Variants in MXRA8 observed in about 807,000 individuals in gnomAD.
MXRA8 encodes matrix remodeling-associated protein 8.
A neutral mutation model predicts 51.4 loss-of-function variants in MXRA8; 44 were observed. That is an observed-to-expected ratio of 0.86 (90% confidence interval 0.67 to 1.10). The LOEUF is 1.10. MXRA8 is among the 50% of genes least tolerant of loss of function. The pLI, the probability that MXRA8 is intolerant of heterozygous loss-of-function variation, is 0.00. For missense variants in MXRA8, 765 were observed against 638.9 expected (o/e 1.20, Z -2.13); for synonymous variants, 369 against 293.5 (o/e 1.26, Z -2.63).
At chr1:1,361,357 A>G (rs1469563294), upstream of MXRA8, 3 of 701,688 alleles carry the variant, frequency 4.3e-6, no homozygotes, top group Admixed American at 4.0e-5. Context: ...ACTCAGCACT[A>G]AGCCGGGTGC....
upstream of MXRA8, among the ~76,000 whole-genome samples, chr1:1,359,919 A>G (rs758998397): frequency 2.6e-5 from 4 of 151,970 alleles, no homozygotes; most frequent in African/African-American, 4.8e-5. Flanking sequence ...ACTGGTTTGT[A>G]TTAGTGCTGG....
chr1:1,361,658 C>T (rs1275520096), upstream of MXRA8: 12 of 293,146 alleles, frequency 4.1e-5, no homozygotes, highest in Admixed American at 4.6e-5. Context: ...AAACCGTATT[C>T]GCCGCCGCCG....
chr1:1,355,660 T>C lies in MXRA8; in HGVS notation c.166A>G (p.Ser56Gly), dbSNP rs1557683811. 1 of 1,420,210 alleles carries C rather than the reference T, an allele frequency of 7.0e-7. No homozygotes were observed. The highest frequency in any genetic ancestry group is 9.2e-7 in the Non-Finnish European group (1 of 1,090,898). The allele number at this position is 1,420,210 out of a possible 1,614,324, so 88.0% of individuals were successfully genotyped here. A position where few individuals can be genotyped will look rare whatever the true frequency, so the allele number is the denominator to read the frequency against. The change falls in exon 3 of 10, where the codon AGC (serine) becomes GGC (glycine). Residue 56 changes from serine (S) to glycine (G), a missense_variant. Ser to Gly is a moderately conservative substitution (Grantham distance 56, BLOSUM62 0). Coordinates refer to ENST00000309212, the MANE Select transcript of MXRA8 (RefSeq NM_032348.4). ...TCCTGGGTCCACACCATGCGCGGGC[T>C]CTGGCAGCGCAGCACCGCCCGGGCG... The part of the protein sequence containing the change: ...AGARAVLRCQ[S>G]PRMVWTQDRL...
At chr1:1,358,770 G>A, upstream of MXRA8, 2 of 1,246,768 alleles carry the variant, frequency 1.6e-6, no homozygotes, top group Non-Finnish European at 2.0e-6. Context: ...CGCACCCTTG[G>A]AGGGACAAGA....
chr1:1,361,535 A>G, upstream of MXRA8: 2 of 530,860 alleles, frequency 3.8e-6, no homozygotes, highest in South Asian at 4.1e-5. Flanking sequence ...CGCGGCTTCC[A>G]GGCGCAGCCA....
At chr1:1,358,309 C>T in intron 1 of MXRA8, 147 bp downstream of exon 1, 1 of 848,394 alleles carries the variant, frequency 1.2e-6, no homozygotes, top group Non-Finnish European at 1.7e-6. Context: ...GCAAGCGGCT[C>T]TCCCGAGCGC....
Position 1,353,915 on chromosome 1 carries a change from G to A in MXRA8, c.1236C>T (p.Asn412=). ...SEDIQLDYKN[N]ILKERAELAH... Reference sequence around the variant, plus strand: ...CCAGCTCCGCCCTCTCCTTCAGGATGTTGTTTTTGTAATCTGTGGGAGGAG... The same window carrying A: ...CCAGCTCCGCCCTCTCCTTCAGGATATTGTTTTTGTAATCTGTGGGAGGAG... Residue 412 remains asparagine, a synonymous_variant, in exon 9 of 10, where the codon AAC becomes AAT. Transcript: ENST00000309212. 1.2e-6 allele frequency: 2 copies of A among 1,609,876 alleles called. No individual in the cohort carries two copies. The highest frequency in any genetic ancestry group is 1.7e-6 in the Non-Finnish European group (2 of 1,178,324).
chr1:1,354,927 C>A lies in MXRA8; in HGVS notation c.704G>T (p.Gly235Val). The part of the protein sequence containing the change: ...LYASGERRAY[G>V]PLFLRDRVAV... ...CACGCGGTCGCGCAGAAAAAGGGGC[C>A]CGTAGGCGCGGCGCTCGCCCGACGC... The change falls in exon 5 of 10, where the codon GGG becomes GTG. Residue 235 changes from glycine to valine, a missense_variant. Coordinates refer to ENST00000309212, the MANE Select transcript of MXRA8 (RefSeq NM_032348.4). The A allele has an allele frequency of 6.2e-7, 1 of 1,606,358 alleles. No homozygotes were observed. Among genetic ancestry groups the A allele is most frequent in the Non-Finnish European group, 8.5e-7 (1 of 1,177,196 alleles).
chr1:1,357,225 T>G (rs1206614749), intron 1 of MXRA8, among the ~76,000 whole-genome samples: 2 of 152,176 alleles, frequency 1.3e-5, no homozygotes, highest in Non-Finnish European at 2.9e-5. Context: ...CCCGCGTTGC[T>G]GCTTGAGGGA....
At chr1:1,355,412 TGCCCCGACCCCGCG>T (rs1169496114) in intron 3 of MXRA8, 24 bp downstream of exon 3, 7 of 1,492,162 alleles carry the variant, frequency 4.7e-6, no homozygotes, top group African/African-American at 1.5e-5. Flanking sequence ...CCCGGACCCC[TGCCCCGACCCCGCG>T]GCCCCGGTCC....
chr1:1,355,414 C>G (rs778691532), intron 3 of MXRA8, 36 bp downstream of exon 3: 12 of 1,491,608 alleles, frequency 8.0e-6, no homozygotes, highest in African/African-American at 1.5e-5. Flanking sequence ...CGGACCCCTG[C>G]CCCGACCCCG....
upstream of MXRA8, chr1:1,361,459 G>A: frequency 1.6e-6 from 1 of 610,496 alleles, no homozygotes; most frequent in Non-Finnish European, 3.0e-6. Context: ...CAGGCTGGAG[G>A]GGCGAGGACG....
upstream of MXRA8, chr1:1,359,605 G>A (rs1166482955): frequency 1.0e-6 from 1 of 982,348 alleles, no homozygotes; most frequent in African/African-American, 1.7e-5. Flanking sequence ...CTCAGACAGT[G>A]GGAAGCCCAG....
chr1:1,353,582 C>A lies in MXRA8; in HGVS notation c.*22G>T, dbSNP rs1557680085. On this transcript the variant is annotated 3_prime_UTR_variant, in exon 10 of 10. Transcript: ENST00000309212. ...GACAGGAGAGGTGCAGCTGCTGGCCCAGCCAGGAGCCCAGGGCCTCCCTAT... is the reference window on the plus strand; with the variant it reads ...GACAGGAGAGGTGCAGCTGCTGGCCAAGCCAGGAGCCCAGGGCCTCCCTAT... 5 of 1,558,412 alleles carry A rather than the reference C, an allele frequency of 3.2e-6. No homozygotes were observed. The South Asian group carries it at 5.9e-5, about 18-fold the overall frequency.
At chr1:1,356,559 G>T in intron 2 of MXRA8, 122 bp downstream of exon 2, 1 of 595,802 alleles carries the variant, frequency 1.7e-6, no homozygotes, top group Non-Finnish European at 2.5e-6. Context: ...CAAGGGTCCT[G>T]ATGAGCAAGG....
At chr1:1,357,989 C>T (rs778690186) in intron 1 of MXRA8, among the ~76,000 whole-genome samples, 1 of 152,290 alleles carries the variant, frequency 6.6e-6, no homozygotes, top group Middle Eastern at 3.4e-3. Flanking sequence ...GGCTGCTCTC[C>T]CTCACATAGA....
chr1:1,355,233 G>GGGGGGGGGGT lies in MXRA8; in HGVS notation c.478+10_478+11insACCCCCCCCC. On this transcript the variant is annotated intron_variant, in intron 4 of 9. Transcript: ENST00000309212. ...GGGGCGGGAGCTGGGGGGCGGGGGGGAAGCACTCACGGCCGTCGGTGACCT... is the reference window on the plus strand; with the variant it reads ...GGGGCGGGAGCTGGGGGGCGGGGGGGGGGGGGGGGTAAGCACTCACGGCCGTCGGTGACCT... The GGGGGGGGGGT allele has an allele frequency of 1.3e-6, 2 of 1,539,524 alleles. No homozygotes were observed. The highest frequency in any genetic ancestry group is 1.7e-6 in the Non-Finnish European group (2 of 1,147,656).
rs1249286803 is a variant in MXRA8 at position 1,354,497 on chromosome 1, G to A, written c.962C>T (p.Ala321Val). ...SGAPGPDPTL[A>V]RGHNVINVIV... ...GACATTGATGACGTTGTGGCCGCGC[G>A]CCAGTGTGGGGTCTGCGGGGAACGC... Residue 321 changes from alanine to valine, a missense_variant, in exon 6 of 10, where the codon GCG (alanine) becomes GTG (valine). By Grantham distance (64) the Ala-to-Val change is moderately conservative. Transcript: ENST00000309212. 6.2e-7 allele frequency: 1 copy of A among 1,612,144 alleles called. No individual in the cohort carries two copies. The highest frequency in any genetic ancestry group is 8.5e-7 in the Non-Finnish European group (1 of 1,179,746).
chr1:1,358,790 G>T, upstream of MXRA8: 1 of 1,196,534 alleles, frequency 8.4e-7, no homozygotes. Context: ...AAGGTCCGAG[G>T]ACATGGGCCC....
Sources: gnomAD v4.1 joint callset for allele counts (sites outside exome capture counted in the v4.1 genomes callset) on GRCh38, gnomAD v4.1.1 for gene constraint, MANE v1.5 for transcripts, NCBI Gene and HGNC (gene_info 2026-07-23, HGNC 2026-07-21) for gene names.